ROBO2: variants seen among roughly 807,000 people sequenced by gnomAD.
The protein encoded by ROBO2 is roundabout homolog 2.
Under a neutral mutation model 160.8 loss-of-function variants are expected in ROBO2, and 53 were observed. The observed-to-expected ratio is 0.33, with a 90% CI of 0.26 to 0.41. The LOEUF (loss-of-function observed/expected upper bound fraction) is 0.41, where lower values mean the gene tolerates loss of function less well. ROBO2 is among the 10% of genes least tolerant of loss of function. The pLI, the probability that ROBO2 is intolerant of heterozygous loss-of-function variation, is 1.00. For synonymous variants in ROBO2, 664 were observed against 611.7 expected (o/e 1.09, Z -1.26); for missense variants, 1,577 against 1,722.4 (o/e 0.92, Z 1.49).
chr3:77,064,704 G>A (rs2066670507), intron 1 of ROBO2, among the ~76,000 whole-genome samples: 1 of 152,128 alleles, frequency 6.6e-6, no homozygotes, highest in Admixed American at 6.6e-5. Context: ...TAGTAGTTTT[G>A]AAGAGCTAAA....
intron 2 of ROBO2, among the ~76,000 whole-genome samples, chr3:76,208,834 C>T (rs62267400): frequency 0.33 from 49,471 of 151,828 alleles, 8,933 homozygotes; most frequent in Non-Finnish European, 0.4. Flanking sequence ...TTCTGGCTTC[C>T]AAAACGACAC....
At chr3:76,207,834 G>A (rs1258357098) in intron 2 of ROBO2, among the ~76,000 whole-genome samples, 1 of 152,206 alleles carries the variant, frequency 6.6e-6, no homozygotes, top group Non-Finnish European at 1.5e-5. Context: ...GGAAAGGAAT[G>A]TGATATGGTT....
chr3:77,607,348 T>C (rs1056815704), intron 20 of ROBO2, among the ~76,000 whole-genome samples: 13 of 152,338 alleles, frequency 8.5e-5, no homozygotes, highest in African/African-American at 2.9e-4. Flanking sequence ...TTACCCTTCC[T>C]GGATTAATTA....
At chr3:75,928,441 A>C (rs1947381302) in intron 1 of ROBO2, among the ~76,000 whole-genome samples, 1 of 151,590 alleles carries the variant, frequency 6.6e-6, no homozygotes, top group African/African-American at 2.4e-5. Context: ...CACCTTCACA[A>C]AATTTAGTGT....
At chr3:76,942,278 G>A (rs1201771447) in intron 2 of ROBO2, among the ~76,000 whole-genome samples, 4 of 152,112 alleles carry the variant, frequency 2.6e-5, no homozygotes. Context: ...TATCACCCCA[G>A]TGGAATGCCT....
chr3:77,536,011 T>A (rs1424330107), intron 6 of ROBO2, among the ~76,000 whole-genome samples: 1 of 152,192 alleles, frequency 6.6e-6, no homozygotes, highest in Non-Finnish European at 1.5e-5. Flanking sequence ...TAGAAATATT[T>A]AATATGATTA....
chr3:77,184,952 G>A (rs1418832640), intron 2 of ROBO2, among the ~76,000 whole-genome samples: 1 of 152,028 alleles, frequency 6.6e-6, no homozygotes, highest in East Asian at 1.9e-4. Flanking sequence ...GTAGCTTACA[G>A]AACTTCTTGA....
chr3:76,000,929 C>T (rs536009179), intron 2 of ROBO2, among the ~76,000 whole-genome samples: 76 of 152,156 alleles, frequency 5.0e-4, no homozygotes, highest in Non-Finnish European at 9.0e-4. Flanking sequence ...TCTATTCATA[C>T]TAAATATGAT....
chr3:76,905,766 T>C (rs2075561861), intron 2 of ROBO2, among the ~76,000 whole-genome samples: 1 of 152,218 alleles, frequency 6.6e-6, no homozygotes, highest in African/African-American at 2.4e-5. Flanking sequence ...CTTACATGCT[T>C]CTTATTTCTG....
At chr3:77,133,274 C>T (rs146883293) in intron 2 of ROBO2, among the ~76,000 whole-genome samples, 1,999 of 152,118 alleles carry the variant, frequency 0.013, 30 homozygotes, top group African/African-American at 0.044. Flanking sequence ...GAGAGGGTAG[C>T]GATGAGGCCA....
chr3:76,512,359 C>G (rs2081141990), intron 2 of ROBO2, among the ~76,000 whole-genome samples: 1 of 149,882 alleles, frequency 6.7e-6, no homozygotes. Flanking sequence ...ACTCTTTAAT[C>G]AAAACACAGC....
intron 2 of ROBO2, among the ~76,000 whole-genome samples, chr3:77,415,164 C>T (rs990452510): frequency 2.0e-5 from 3 of 152,162 alleles, no homozygotes; most frequent in African/African-American, 4.8e-5. Flanking sequence ...GGGAAATAAA[C>T]AGTGTTACAG....
chr3:77,162,500 A>G (rs1236715898), intron 2 of ROBO2, among the ~76,000 whole-genome samples: 1 of 152,148 alleles, frequency 6.6e-6, no homozygotes, highest in Non-Finnish European at 1.5e-5. Flanking sequence ...CTGTTTCCGT[A>G]CGTAAGATCC....
chr3:75,931,832 T>A (rs1165282355), intron 1 of ROBO2, among the ~76,000 whole-genome samples: 1 of 152,064 alleles, frequency 6.6e-6, no homozygotes, highest in Non-Finnish European at 1.5e-5. Context: ...TTTCTGTACC[T>A]GTCTTCATCT....
At chr3:77,127,726 CT>C (rs2075472036) in intron 2 of ROBO2, among the ~76,000 whole-genome samples, 1 of 151,998 alleles carries the variant, frequency 6.6e-6, no homozygotes, top group South Asian at 2.1e-4. Context: ...GCCTCATTCC[CT>C]TGTAGGTTGT....
At chr3:77,550,696 A>G (rs2153653329) in intron 7 of ROBO2, 122 bp from the exon 9 acceptor site, 2 of 1,025,502 alleles carry the variant, frequency 2.0e-6, no homozygotes, top group South Asian at 1.4e-5. Flanking sequence ...TTTCTGAACC[A>G]TATATATTTT....
chr3:77,596,836 A>G, intron 19 of ROBO2, 86 bp downstream of exon 20: 1 of 1,469,660 alleles, frequency 6.8e-7, no homozygotes. Flanking sequence ...TTAAAGAAAC[A>G]TATCAGAGAG....
intron 2 of ROBO2, among the ~76,000 whole-genome samples, chr3:77,180,913 T>G (rs1402606532): frequency 6.6e-6 from 1 of 152,018 alleles, no homozygotes; most frequent in Non-Finnish European, 1.5e-5. Flanking sequence ...ATTAGAGAAC[T>G]CAAGCAAAAT....
chr3:77,440,489 A>G (rs115632957), intron 2 of ROBO2, among the ~76,000 whole-genome samples: 2 of 152,184 alleles, frequency 1.3e-5, no homozygotes, highest in South Asian at 2.1e-4. Context: ...TGAGCTGTGC[A>G]TATGGCTTTA....
Sources: allele counts gnomAD v4.1 joint callset (sites outside exome capture counted in the v4.1 genomes callset), GRCh38; gene constraint gnomAD v4.1.1; transcripts MANE v1.5; gene names NCBI Gene and HGNC (gene_info 2026-07-23, HGNC 2026-07-21).